Variants in P3H2 observed in about 807,000 individuals in gnomAD.
The protein encoded by P3H2 is leprecan-like 1.
Under a neutral mutation model 87.0 loss-of-function variants are expected in P3H2, and 80 were observed. The observed-to-expected ratio is 0.92, with a 90% CI of 0.77 to 1.11. P3H2 has a LOEUF of 1.11. Among genes scored for constraint, P3H2 ranks in the 50% least tolerant of loss-of-function variants. The pLI, the probability that P3H2 is intolerant of heterozygous loss-of-function variation, is 0.00. For missense variants in P3H2, 1,001 were observed against 923.9 expected, an observed-to-expected ratio of 1.08 and a Z score of -1.08; for synonymous variants, 367 against 359.3, an observed-to-expected ratio of 1.02 and a Z score of -0.24.
In P3H2 at chr3:189,995,584, T is replaced by TA; in HGVS notation, c.481-143dup. 8 of 821,824 alleles carry TA rather than the reference T, an allele frequency of 9.7e-6. No homozygotes were observed. In the South Asian group the frequency reaches 1.2e-4, roughly 12 times the overall value. 50.9% of individuals were successfully genotyped at this position (821,824 alleles called of 1,614,324 possible). On this transcript the variant is annotated intron_variant, in intron 1 of 14. Transcript: ENST00000319332. Reference sequence around the variant, plus strand: ...TTTTTTTTTTTTATCAGACAGGCAATAAAAACAAAATAAATGGGATTATAA... The same window carrying TA: ...TTTTTTTTTTTTATCAGACAGGCAATAAAAAACAAAATAAATGGGATTATAA...
intron 1 of P3H2, among the ~76,000 whole-genome samples, chr3:190,109,179 T>C (rs529260270): frequency 6.6e-6 from 1 of 152,358 alleles, no homozygotes; most frequent in South Asian, 2.1e-4. Context: ...CTGAGACCTT[T>C]AGACTTCAAT....
chr3:190,020,381 T>C lies in P3H2; in HGVS notation c.481-24939A>G, dbSNP rs553302956. Among the ~76,000 whole-genome samples, 183 of 135,112 alleles carry C rather than the reference T, an allele frequency of 1.4e-3. 25 individuals carry two copies. Among genetic ancestry groups the C allele is most frequent in the African/African-American group, 4.5e-3 (177 of 39,106 alleles). 88.6% of individuals were successfully genotyped at this position (135,112 alleles called of 152,430 possible). A position where few individuals can be genotyped will look rare whatever the true frequency, so the allele number is the denominator to read the frequency against. ...GGAAGAGTTGTCTCAATAACCAAGATTGCCTTCTCTTTTCCATCTTAATCC... is the reference window on the plus strand; with the variant it reads ...GGAAGAGTTGTCTCAATAACCAAGACTGCCTTCTCTTTTCCATCTTAATCC... On this transcript the variant is annotated intron_variant, in intron 1 of 14. Transcript: ENST00000319332.
At chr3:190,070,720 A>G (rs969448860) in intron 1 of P3H2, among the ~76,000 whole-genome samples, 1 of 152,180 alleles carries the variant, frequency 6.6e-6, no homozygotes, top group Non-Finnish European at 1.5e-5. Context: ...CAAAAAAGCT[A>G]TCTTCAGTTA....
intron 12 of P3H2, 160 bp downstream of exon 12, chr3:189,971,730 T>C (rs1434404781): frequency 7.8e-6 from 5 of 643,618 alleles, no homozygotes; most frequent in African/African-American, 5.5e-5. Flanking sequence ...GAGATGATAA[T>C]GCCACTTATT....
chr3:190,121,801 CTT>C (rs1348516241), upstream of P3H2: 1 of 152,216 alleles, frequency 6.6e-6, no homozygotes, highest in East Asian at 1.9e-4. Flanking sequence ...GAAAAAAATT[CTT>C]GCTGTGGGCC....
In P3H2 at chr3:190,120,396, G is replaced by A; in HGVS notation, c.336C>T (p.Ser112=). 3 of 1,544,476 alleles carry A rather than the reference G, an allele frequency of 1.9e-6. 1 individual carries two copies. In the South Asian group the frequency reaches 3.6e-5, roughly 18 times the overall value. Residue 112 remains serine, a synonymous_variant, in exon 1 of 15, where the codon TCC becomes TCT. Transcript: ENST00000319332. ...GPGAELPLFR[S]LLGRARCYRS... is the part of the protein sequence containing the mutation. ...GATAACAGCGCGCCCGCCCCAACAA[G>A]GAGCGGAAAAGGGGCAGCTCAGCGC...
At chr3:190,114,167 C>T (rs1712189398) in intron 1 of P3H2, among the ~76,000 whole-genome samples, 1 of 146,570 alleles carries the variant, frequency 6.8e-6, no homozygotes, top group Non-Finnish European at 1.5e-5. Flanking sequence ...GCAATTGCTG[C>T]CCTCATCTAA....
chr3:189,962,532 A>G (rs746645437), intron 14 of P3H2, among the ~76,000 whole-genome samples: 1 of 152,116 alleles, frequency 6.6e-6, no homozygotes, highest in South Asian at 2.1e-4. Flanking sequence ...AGCTTATAGA[A>G]GTCTTCCTTG....
At chr3:190,016,831 T>C (rs1724771451) in intron 1 of P3H2, among the ~76,000 whole-genome samples, 1 of 152,192 alleles carries the variant, frequency 6.6e-6, no homozygotes, top group Non-Finnish European at 1.5e-5. Context: ...GGACATTCAC[T>C]ACCTTCCAAA....
intron 2 of P3H2, 109 bp from the exon 3 acceptor site, chr3:189,994,392 A>G: frequency 1.2e-6 from 1 of 852,152 alleles, no homozygotes; most frequent in Non-Finnish European, 1.9e-6. Flanking sequence ...ATCTAGGTAG[A>G]TGGGGTACTG....
intron 1 of P3H2, among the ~76,000 whole-genome samples, chr3:190,105,978 T>A (rs1711817102): frequency 6.6e-6 from 1 of 152,252 alleles, no homozygotes; most frequent in South Asian, 2.1e-4. Flanking sequence ...CATTTTGGTG[T>A]CTATGATGAA....
chr3:190,023,703 A>G (rs548384119), intron 1 of P3H2, among the ~76,000 whole-genome samples: 27 of 152,286 alleles, frequency 1.8e-4, no homozygotes, highest in Admixed American at 3.3e-4. Context: ...ATGAGAGTCT[A>G]TTTATCTATG....
At chr3:189,993,607 CA>C (rs1723948518) in intron 3 of P3H2, among the ~76,000 whole-genome samples, 1 of 151,992 alleles carries the variant, frequency 6.6e-6, no homozygotes, top group African/African-American at 2.4e-5. Flanking sequence ...GAAGACTACA[CA>C]AAAGTGTTCA....
intron 12 of P3H2, chr3:189,971,598 A>G: frequency 7.7e-6 from 3 of 388,530 alleles, no homozygotes; most frequent in South Asian, 4.3e-5. Context: ...TACCACAAGG[A>G]ATATGTTCCA....
intron 1 of P3H2, among the ~76,000 whole-genome samples, chr3:190,102,973 G>T (rs1711686293): frequency 6.6e-6 from 1 of 152,170 alleles, no homozygotes. Context: ...GTATCTTGCT[G>T]AAGGCTCAGA....
chr3:190,020,728 G>A lies in P3H2; in HGVS notation c.481-25286C>T, dbSNP rs759518870. The stretch of plus-strand genomic sequence containing the variant: ...TTTCCTATGCATGGTCTGGCTGGGC[G>A]GCTGCTACCCACACGTTGATTACTT... On this transcript the variant is annotated intron_variant, in intron 1 of 14. Coordinates refer to ENST00000319332, the MANE Select transcript of P3H2 (RefSeq NM_018192.4). Among the ~76,000 whole-genome samples the A allele has an allele frequency of 4.5e-5, 6 of 133,616 alleles. 1 individual carries two copies. The highest frequency in any genetic ancestry group is 8.3e-5 in the Non-Finnish European group (5 of 60,006). The allele number at this position is 133,616 out of a possible 152,430, so 87.7% of individuals were successfully genotyped here.
intron 1 of P3H2, among the ~76,000 whole-genome samples, chr3:190,095,518 A>C (rs1224623603): frequency 6.6e-6 from 1 of 150,526 alleles, no homozygotes; most frequent in East Asian, 1.9e-4. Context: ...TTCCACAGTG[A>C]GCAACAATAA....
At chr3:190,074,249 C>T (rs1216873288) in intron 1 of P3H2, among the ~76,000 whole-genome samples, 1 of 152,132 alleles carries the variant, frequency 6.6e-6, no homozygotes, top group Non-Finnish European at 1.5e-5. Flanking sequence ...GTGGCTCATG[C>T]CTGTAATCCC....
Position 190,087,380 on chromosome 3 carries a change from C to CA in P3H2, c.480+32871dup, listed in dbSNP as rs1264659262. On this transcript the variant is annotated intron_variant, in intron 1 of 14. Coordinates refer to ENST00000319332, the MANE Select transcript of P3H2 (RefSeq NM_018192.4). ...TGAAACCCCATCTCTACTAAAAATACAAAAAAAAAAGAAATTAGCTGGGTG... is the reference window on the plus strand; with the variant it reads ...TGAAACCCCATCTCTACTAAAAATACAAAAAAAAAAAGAAATTAGCTGGGTG... 7.9e-3 allele frequency among the ~76,000 whole-genome samples: 1,152 copies of CA among 145,006 alleles called. 13 individuals are homozygous for CA. Among genetic ancestry groups the CA allele is most frequent in the African/African-American group, 0.025 (990 of 39,552 alleles).
Sources: gnomAD v4.1 joint callset for allele counts (sites outside exome capture counted in the v4.1 genomes callset) on GRCh38, gnomAD v4.1.1 for gene constraint, MANE v1.5 for transcripts, NCBI Gene and HGNC (gene_info 2026-07-23, HGNC 2026-07-21) for gene names.